Variants in SLC35D4 observed in about 807,000 individuals in gnomAD.
SLC35D4 encodes solute carrier family 35 member D4, also known as UDP-N-acetylglucosamine transporter SLC35D4.
At chr18:23,294,703 G>A in the SLC35D4 span, among the ~76,000 whole-genome samples, 2 of 152,074 alleles carry the variant, frequency 1.3e-5, no homozygotes. Context: ...AAGCTGCAGT[G>A]AGCTGTGACT....
the SLC35D4 span, among the ~76,000 whole-genome samples, chr18:23,315,559 C>T: frequency 1.3e-5 from 2 of 152,206 alleles, no homozygotes; most frequent in African/African-American, 4.8e-5. Flanking sequence ...AGTTTCTGCA[C>T]CAGATAATCA....
the SLC35D4 span, among the ~76,000 whole-genome samples, chr18:23,289,108 G>C: frequency 1.3e-5 from 2 of 152,118 alleles, no homozygotes; most frequent in African/African-American, 4.8e-5. Context: ...TTTCTGTCTA[G>C]TCATACTCCT....
At chr18:23,246,615 T>C in the SLC35D4 span, among the ~76,000 whole-genome samples, 3 of 151,056 alleles carry the variant, frequency 2.0e-5, no homozygotes, top group African/African-American at 7.4e-5. Flanking sequence ...ATGGTCTCGA[T>C]CTCCTGACCT....
the SLC35D4 span, among the ~76,000 whole-genome samples, chr18:23,426,144 T>C: frequency 6.6e-6 from 1 of 152,110 alleles, no homozygotes; most frequent in African/African-American, 2.4e-5. Flanking sequence ...TAGGTGAATA[T>C]CTAAATGGTT....
chr18:23,371,103 TTC>T, the SLC35D4 span, among the ~76,000 whole-genome samples: 79 of 107,020 alleles, frequency 7.4e-4, 1 homozygote, highest in South Asian at 6.9e-3. Flanking sequence ...CTCTCTCTCT[TTC>T]TTTTTTTTTG....
the SLC35D4 span, chr18:23,377,695 C>T: frequency 1.7e-5 from 26 of 1,547,466 alleles, no homozygotes; most frequent in African/African-American, 3.6e-4. Flanking sequence ...AAGAAACATA[C>T]AATTAGACTT....
chr18:23,368,737 G>A, the SLC35D4 span: 3 of 1,447,618 alleles, frequency 2.1e-6, no homozygotes, highest in Non-Finnish European at 2.9e-6. Flanking sequence ...TTTAAGTATT[G>A]CTGGTCAATG....
At chr18:23,262,224 G>T in the SLC35D4 span, among the ~76,000 whole-genome samples, 1 of 152,134 alleles carries the variant, frequency 6.6e-6, no homozygotes, top group East Asian at 1.9e-4. Context: ...AATTTTTTGG[G>T]TGCACAAGGC....
At chr18:23,286,735 C>G in the SLC35D4 span, among the ~76,000 whole-genome samples, 2 of 152,048 alleles carry the variant, frequency 1.3e-5, no homozygotes, top group African/African-American at 2.4e-5. Flanking sequence ...TCTTAAAACT[C>G]CCCAACTCTG....
chr18:23,250,930 G>A, the SLC35D4 span, among the ~76,000 whole-genome samples: 2 of 152,346 alleles, frequency 1.3e-5, no homozygotes, highest in East Asian at 1.9e-4. Context: ...GAACGGGGAT[G>A]TGCTGGCTGC....
At chr18:23,284,443 G>A in the SLC35D4 span, among the ~76,000 whole-genome samples, 1 of 152,102 alleles carries the variant, frequency 6.6e-6, no homozygotes, top group Non-Finnish European at 1.5e-5. Flanking sequence ...CTCTTTCAAC[G>A]GGTTGCCAAT....
chr18:23,431,503 A>G, the SLC35D4 span, among the ~76,000 whole-genome samples: 3 of 152,026 alleles, frequency 2.0e-5, no homozygotes, highest in African/African-American at 7.2e-5. Context: ...ATCACCTCCT[A>G]GTCTTTCTTT....
At chr18:23,284,320 C>A in the SLC35D4 span, among the ~76,000 whole-genome samples, 6 of 152,166 alleles carry the variant, frequency 3.9e-5, no homozygotes, top group East Asian at 1.9e-4. Context: ...CTCTCTGAAG[C>A]CTGCTACCTA....
chr18:23,348,013 A>C, the SLC35D4 span, among the ~76,000 whole-genome samples: 1 of 152,208 alleles, frequency 6.6e-6, no homozygotes, highest in African/African-American at 2.4e-5. Context: ...CTTTAGCTGC[A>C]TCTATAAATT....
the SLC35D4 span, among the ~76,000 whole-genome samples, chr18:23,383,134 C>T: frequency 1.3e-5 from 2 of 152,098 alleles, no homozygotes; most frequent in Non-Finnish European, 2.9e-5. Context: ...CATAGGACAG[C>T]AAGCCCCAGG....
At chr18:23,391,152 G>A in the SLC35D4 span, among the ~76,000 whole-genome samples, 10 of 151,888 alleles carry the variant, frequency 6.6e-5, no homozygotes, top group African/African-American at 1.5e-4. Context: ...CTTGAAGGGA[G>A]GCAGAGCCTG....
the SLC35D4 span, among the ~76,000 whole-genome samples, chr18:23,424,858 AAAAC>A: frequency 2.2e-4 from 33 of 152,286 alleles, 1 homozygote; most frequent in East Asian, 5.8e-3. Context: ...TGCCTCTACA[AAAAC>A]AAACAAACAC....
chr18:23,434,520 C>T, the SLC35D4 span, among the ~76,000 whole-genome samples: 2 of 152,298 alleles, frequency 1.3e-5, no homozygotes, highest in East Asian at 3.9e-4. Flanking sequence ...GGCACAGTGG[C>T]TTATACCTAT....
chr18:23,336,079 A>G, the SLC35D4 span, among the ~76,000 whole-genome samples: 10 of 152,202 alleles, frequency 6.6e-5, no homozygotes, highest in Admixed American at 3.3e-4. Context: ...TTAAAAAAAA[A>G]AACAAGAACC....
Sources: allele counts gnomAD v4.1 joint callset (sites outside exome capture counted in the v4.1 genomes callset), GRCh38; gene constraint gnomAD v4.1.1; transcripts MANE v1.5; gene names NCBI Gene and HGNC (gene_info 2026-07-23, HGNC 2026-07-21).